The following KRAS variants were observed in gnomAD, a reference collection of about 807,000 sequenced individuals.
The protein encoded by KRAS is GTPase KRas.
In KRAS, 1 loss-of-function variant was observed where a neutral mutation model predicts 21.0. The ratio of observed to expected loss-of-function variants is 0.05; its 90% confidence interval spans 0.02 to 0.23. The LOEUF (loss-of-function observed/expected upper bound fraction) is 0.23. Ranked by LOEUF, KRAS falls within the 10% of genes least tolerant of loss-of-function variation. The probability of loss-of-function intolerance (pLI) is 1.00; values close to 1 mark genes in which losing one functional copy is unlikely to be tolerated. For missense variants in KRAS, 107 were observed against 221.8 expected (o/e 0.48, Z 3.29); for synonymous variants, 67 against 72.5 (o/e 0.92, Z 0.39).
chr12:25,238,931 C>T (rs1951575602), intron 2 of KRAS, among the ~76,000 whole-genome samples: 1 of 152,184 alleles, frequency 6.6e-6, no homozygotes, highest in Non-Finnish European at 1.5e-5. Flanking sequence ...AGTTGAATTA[C>T]CTGGTCAAAG....
intron 4 of KRAS, among the ~76,000 whole-genome samples, chr12:25,218,920 T>G (rs7979983): frequency 1.8e-5 from 2 of 110,882 alleles, no homozygotes; most frequent in Non-Finnish European, 4.2e-5. Flanking sequence ...GGGTTTTTTG[T>G]TTTTTTTTAA....
chr12:25,241,787 C>T (rs916347481), intron 2 of KRAS, among the ~76,000 whole-genome samples: 2 of 152,174 alleles, frequency 1.3e-5, no homozygotes, highest in Non-Finnish European at 2.9e-5. Flanking sequence ...ACTCTCTCCC[C>T]AAGTTGTGGC....
intron 2 of KRAS, among the ~76,000 whole-genome samples, chr12:25,235,822 A>G (rs1461274831): frequency 6.6e-6 from 1 of 151,962 alleles, no homozygotes; most frequent in Non-Finnish European, 1.5e-5. Flanking sequence ...GTGGAAGACA[A>G]TTTTTCCAAG....
chr12:25,229,430 G>C (rs1360947187), intron 2 of KRAS, among the ~76,000 whole-genome samples: 1 of 152,132 alleles, frequency 6.6e-6, no homozygotes, highest in Non-Finnish European at 1.5e-5. Flanking sequence ...TATCTCTAAA[G>C]AGCAATATTG....
At chr12:25,219,966 A>C (rs753915162) in intron 4 of KRAS, among the ~76,000 whole-genome samples, 3 of 152,228 alleles carry the variant, frequency 2.0e-5, no homozygotes, top group African/African-American at 4.8e-5. Context: ...GAAATGAATC[A>C]CTCAACATTT....
At chr12:25,244,270 T>G (rs936510092) in intron 2 of KRAS, among the ~76,000 whole-genome samples, 8 of 152,178 alleles carry the variant, frequency 5.3e-5, no homozygotes, top group African/African-American at 1.9e-4. Flanking sequence ...ACACTAGATG[T>G]AGAATAAATG....
At chr12:25,219,178 C>T (rs562599035) in intron 4 of KRAS, among the ~76,000 whole-genome samples, 4 of 152,164 alleles carry the variant, frequency 2.6e-5, no homozygotes, top group South Asian at 2.1e-4. Context: ...CCTTGTGATC[C>T]GCCTGCCTCA....
chr12:25,229,918 G>A (rs1018045491), intron 2 of KRAS, among the ~76,000 whole-genome samples: 5 of 151,904 alleles, frequency 3.3e-5, no homozygotes, highest in East Asian at 1.9e-4. Flanking sequence ...CTAGGTGCAC[G>A]CCACCACGCC....
chr12:25,225,641 A>T lies in KRAS; in HGVS notation c.423T>A (p.Phe141Leu), dbSNP rs138669124. 6.2e-7 allele frequency: 1 copy of T among 1,613,056 alleles called. No homozygotes were observed. The highest frequency in any genetic ancestry group is 1.3e-5 in the African/African-American group (1 of 74,886). Residue 141 changes from phenylalanine (F) to leucine (L), a missense_variant, in exon 4 of 5, where the codon TTT becomes TTA. Phe to Leu is a conservative substitution (Grantham distance 22, BLOSUM62 0). Coordinates refer to ENST00000311936, the MANE Select transcript of KRAS (RefSeq NM_004985.5). ...QDLARSYGIP[F>L]IETSAKTRQG... is the part of the protein sequence containing the mutation. ...GTCTTGTCTTTGCTGATGTTTCAAT[A>T]AAAGGAATTCCATAACTTCTTGCTA...
chr12:25,247,064 TTTAG>T (rs1256576138), intron 1 of KRAS, among the ~76,000 whole-genome samples: 10 of 152,218 alleles, frequency 6.6e-5, no homozygotes, highest in Admixed American at 1.3e-4. Flanking sequence ...AAACATATTT[TTTAG>T]TTAGTTGTTT....
intron 2 of KRAS, among the ~76,000 whole-genome samples, chr12:25,243,232 TTAAC>T (rs1185196905): frequency 1.3e-5 from 2 of 152,176 alleles, no homozygotes; most frequent in Non-Finnish European, 2.9e-5. Flanking sequence ...TTCTTACAGT[TTAAC>T]TACACCAAGA....
chr12:25,245,566 C>T (rs1951667598), intron 1 of KRAS, among the ~76,000 whole-genome samples, 171 bp from the exon 2 acceptor site: 1 of 152,174 alleles, frequency 6.6e-6, no homozygotes, highest in Non-Finnish European at 1.5e-5. Context: ...TGACTGCAGA[C>T]GTGTATCGTA....
At chr12:25,226,479 G>C (rs1366073529) in intron 3 of KRAS, among the ~76,000 whole-genome samples, 2 of 152,046 alleles carry the variant, frequency 1.3e-5, no homozygotes, top group Non-Finnish European at 2.9e-5. Context: ...CTGAAATTTG[G>C]TAACTCCTCT....
At chr12:25,212,524 A>G (rs181415202) in intron 4 of KRAS, among the ~76,000 whole-genome samples, 3 of 152,166 alleles carry the variant, frequency 2.0e-5, no homozygotes, top group East Asian at 1.9e-4. Flanking sequence ...CAGGAGTTTG[A>G]GACCAGCCTG....
At chr12:25,250,677 GCCGGCCCCGC>G (rs1241949699) in intron 1 of KRAS, 64 bp downstream of exon 1, 1 of 151,926 alleles carries the variant, frequency 6.6e-6, no homozygotes, top group African/African-American at 2.5e-5. Context: ...TTCACTCGCC[GCCGGCCCCGC>G]CCGGCGCCGG....
chr12:25,240,917 A>G (rs568934922), intron 2 of KRAS, among the ~76,000 whole-genome samples: 1 of 152,306 alleles, frequency 6.6e-6, no homozygotes, highest in East Asian at 1.9e-4. Context: ...CTACAGTCCT[A>G]TAAAACTCTA....
rs111658063 is a variant in KRAS, at chr12:25,210,351, T to G, written c.451-440A>C. On this transcript the variant is annotated intron_variant, in intron 4 of 4. Coordinates refer to ENST00000311936, the MANE Select transcript of KRAS (RefSeq NM_004985.5). ...CATATATCTTCACACACAGTAACAG[T>G]ATTTGAGCTCCAGTTCTATACTTAC... 4.7e-3 allele frequency among the ~76,000 whole-genome samples: 719 copies of G among 152,260 alleles called. 9 individuals carry two copies. Among genetic ancestry groups the G allele is most frequent in the African/African-American group, 0.017 (687 of 41,578 alleles).
At chr12:25,217,554 A>G (rs1369253998) in intron 4 of KRAS, among the ~76,000 whole-genome samples, 1 of 152,208 alleles carries the variant, frequency 6.6e-6, no homozygotes, top group East Asian at 1.9e-4. Flanking sequence ...GAATCAATTT[A>G]GTTAACTAGT....
intron 4 of KRAS, 77 bp from the exon 5 acceptor site, chr12:25,209,988 G>GA: frequency 1.9e-6 from 2 of 1,033,822 alleles, no homozygotes; most frequent in Non-Finnish European, 1.4e-6. Flanking sequence ...TTCATTAATG[G>GA]AAAAAATATT....
Sources: gnomAD v4.1 joint callset for allele counts (sites outside exome capture counted in the v4.1 genomes callset) on GRCh38, gnomAD v4.1.1 for gene constraint, MANE v1.5 for transcripts, NCBI Gene and HGNC (gene_info 2026-07-23, HGNC 2026-07-21) for gene names.